The following FHAD1 variants were observed in gnomAD, a reference collection of about 807,000 sequenced individuals.
The protein encoded by FHAD1 is forkhead associated phosphopeptide binding domain 1, also known as forkhead-associated domain-containing protein 1.
Under a neutral mutation model 191.3 loss-of-function variants are expected in FHAD1, and 146 were observed. That is an observed-to-expected ratio of 0.76 (90% CI 0.67 to 0.88). The LOEUF is 0.88. Among genes scored for constraint, FHAD1 ranks in the 40% least tolerant of loss-of-function variants. FHAD1 has a pLI of 0.00. For synonymous variants in FHAD1, 616 were observed against 672.3 expected (o/e 0.92, Z 1.29); for missense variants, 1,635 against 1,785.8 (o/e 0.92, Z 1.52).
chr1:15,256,451 G>A (rs1322030388), intron 2 of FHAD1, among the ~76,000 whole-genome samples: 1 of 151,834 alleles, frequency 6.6e-6, no homozygotes, highest in Non-Finnish European at 1.5e-5. Context: ...TCAGGAGTTC[G>A]AGACCAGCCT....
intron 8 of FHAD1, chr1:15,314,702 A>T (rs1194123528): frequency 9.3e-6 from 1 of 108,002 alleles, no homozygotes; most frequent in African/African-American, 3.6e-5. Context: ...GGATGTGTGT[A>T]AGTGTGTATG....
At chr1:15,237,879 G>C (rs1443144189) in intron 1 of FHAD1, among the ~76,000 whole-genome samples, 1 of 152,166 alleles carries the variant, frequency 6.6e-6, no homozygotes, top group African/African-American at 2.4e-5. Context: ...TCCAGCGTGA[G>C]GGGATTGATC....
chr1:15,368,052 A>C (rs548513351), intron 25 of FHAD1, among the ~76,000 whole-genome samples: 1 of 151,470 alleles, frequency 6.6e-6, no homozygotes, highest in African/African-American at 2.4e-5. Context: ...GCTCACTGCA[A>C]CCTCTGCCTC....
chr1:15,352,690 C>T (rs1400803665), intron 19 of FHAD1, among the ~76,000 whole-genome samples, 187 bp from the exon 20 acceptor site: 5 of 152,110 alleles, frequency 3.3e-5, no homozygotes, highest in African/African-American at 1.2e-4. Flanking sequence ...AGATATGGCT[C>T]CCGGGTTCTC....
At chr1:15,307,212 T>G (rs11584805) in intron 6 of FHAD1, among the ~76,000 whole-genome samples, 8,833 of 152,250 alleles carry the variant, frequency 0.058, 266 homozygotes, top group African/African-American at 0.081. Flanking sequence ...GTAACCCCTT[T>G]GTTTTGGCCA....
rs1458622936 is a variant in FHAD1, at chr1:15,382,239, G to C, written c.4188+46G>C. On this transcript the variant is annotated intron_variant, in intron 31 of 33. Transcript: ENST00000688493. ...GCAGAACCTCCCAGGCTGCCCTGCA[G>C]CTCCCATTAGCAATGGCCGAGGGTG... The C allele has an allele frequency of 3.3e-6, 5 of 1,535,042 alleles. No individual in the cohort carries two copies. In the East Asian group the frequency reaches 1.2e-4, roughly 38 times the overall value.
intron 31 of FHAD1, among the ~76,000 whole-genome samples, chr1:15,387,475 G>A (rs1317199891): frequency 1.3e-5 from 2 of 152,176 alleles, no homozygotes; most frequent in Non-Finnish European, 2.9e-5. Context: ...CAGGCTGGGT[G>A]CGGTGGCTCA....
At position 15,324,503 on chromosome 1, in the gene FHAD1, G is replaced by C; in HGVS notation, c.1417G>C (p.Glu473Gln). 1 of 1,552,292 alleles carries C rather than the reference G, an allele frequency of 6.4e-7. No homozygotes were observed. The highest frequency in any genetic ancestry group is 8.7e-7 in the Non-Finnish European group (1 of 1,147,114). Residue 473 changes from glutamate to glutamine, a missense_variant, in exon 11 of 34, where the codon GAA (glutamate) becomes CAA (glutamine). By Grantham distance (29) the Glu-to-Gln change is conservative. Transcript: ENST00000688493. ...DSRRKLLQLQ[E>Q]MGNRESVIKI... ...CAGAAGGAAATTGCTTCAGCTGCAA[G>C]AAATGGGGAACAGAGAGAGCGTCAT... is the stretch of plus-strand genomic sequence containing the variant.
intron 19 of FHAD1, among the ~76,000 whole-genome samples, chr1:15,350,458 G>T (rs949639170): frequency 6.6e-6 from 1 of 152,368 alleles, no homozygotes; most frequent in African/African-American, 2.4e-5. Context: ...ACCTGAGCTT[G>T]CCAGGAGGTA....
chr1:15,285,585 G>A (rs1049821310), intron 3 of FHAD1, among the ~76,000 whole-genome samples: 1 of 151,750 alleles, frequency 6.6e-6, no homozygotes, highest in Non-Finnish European at 1.5e-5. Context: ...TTAACTGAAA[G>A]AGCTGATTGC....
chr1:15,304,198 C>T (rs1419113351), intron 6 of FHAD1, among the ~76,000 whole-genome samples: 2 of 152,254 alleles, frequency 1.3e-5, no homozygotes, highest in Non-Finnish European at 2.9e-5. Context: ...TACCGCCATG[C>T]GGCCTGCACT....
chr1:15,375,692 C>T lies in FHAD1; in HGVS notation c.3667C>T (p.Pro1223Ser). Residue 1223 changes from proline (P) to serine (S), a missense_variant, in exon 28 of 34, where the codon CCG (proline) becomes TCG (serine). Transcript: ENST00000688493. The part of the protein sequence containing the change: ...NVQKILLDAK[P>S]DLPTLSRIEI... ...CCAGAAAATACTACTGGATGCAAAA[C>T]CGGATTTGCCAACTCTCTCAAGAAT... 1 of 1,546,770 alleles carries T rather than the reference C, an allele frequency of 6.5e-7. No homozygotes were observed. The highest frequency in any genetic ancestry group is 8.7e-7 in the Non-Finnish European group (1 of 1,145,672).
intron 6 of FHAD1, chr1:15,305,918 G>A: frequency 4.4e-6 from 1 of 227,304 alleles, no homozygotes; most frequent in South Asian, 5.0e-5. Context: ...CAATAGAGTG[G>A]GGCATTGCTG....
At chr1:15,309,674 G>A (rs35433917) in intron 7 of FHAD1, among the ~76,000 whole-genome samples, 3,882 of 148,654 alleles carry the variant, frequency 0.026, 117 homozygotes, top group African/African-American at 0.073. Context: ...TTTTTTTTTA[G>A]CGATTTTTTT....
In FHAD1 at chr1:15,381,157, A is replaced by T; in HGVS notation, c.3802-74A>T. ...TGCAGAAAGTGAATGAAACAGAATT[A>T]GACATTGGCCTCCTTAAAGCGGCCA... On this transcript the variant is annotated intron_variant, in intron 29 of 33. Transcript: ENST00000688493. The surrounding 1 kb of genome is among the most constrained non-coding windows in gnomAD (Gnocchi z 4.6). The T allele has an allele frequency of 1.1e-6, 1 of 950,536 alleles. No individual in the cohort carries two copies. 58.9% of individuals were successfully genotyped at this position (950,536 alleles called of 1,614,324 possible).
intron 1 of FHAD1, among the ~76,000 whole-genome samples, chr1:15,241,524 C>T (rs1303669759): frequency 6.6e-6 from 1 of 152,062 alleles, no homozygotes; most frequent in Admixed American, 6.5e-5. Flanking sequence ...GTAGCAGGTG[C>T]CTGTAATCCC....
intron 8 of FHAD1, chr1:15,315,224 G>A (rs1402655753): frequency 2.0e-5 from 3 of 152,078 alleles, no homozygotes; most frequent in Non-Finnish European, 2.9e-5. Context: ...AGAGAGAAGA[G>A]AAATGCCACC....
At position 15,341,892 on chromosome 1, in the gene FHAD1, AGGT is replaced by A. The variant is rs1558165518; in HGVS notation, c.2130+8_2130+10del. On this transcript the variant is annotated splice_donor_5th_base_variant and intron_variant, in intron 16 of 33. Transcript: ENST00000688493. Reference sequence around the variant, plus strand: ...GCAACTGACGGAAGAGAAGGCGGTAAGGTGGTCCCTGCCATTTGCTTTACTACT... The same window carrying A: ...GCAACTGACGGAAGAGAAGGCGGTAAGGTCCCTGCCATTTGCTTTACTACT... The A allele has an allele frequency of 1.3e-6, 2 of 1,550,620 alleles. No individual in the cohort carries two copies. Among genetic ancestry groups the A allele is most frequent in the Admixed American group, 3.9e-5 (2 of 50,802 alleles).
In FHAD1 at chr1:15,370,597, C is replaced by T. The variant is rs1485715982; in HGVS notation, c.3447+1095C>T. ...CGTAGTGAGTGCCCCATGGCTGTGT[C>T]TTGGTAGCTGTTCCATGCACCTGCC... is the stretch of plus-strand genomic sequence containing the variant. On this transcript the variant is annotated intron_variant, in intron 26 of 33. Coordinates refer to ENST00000688493, the MANE Select transcript of FHAD1 (RefSeq NM_001391957.1). Among the ~76,000 whole-genome samples, 3 of 152,202 alleles carry T rather than the reference C, an allele frequency of 2.0e-5. No individual in the cohort carries two copies. The East Asian group carries it at 5.8e-4, about 29-fold the overall frequency.
Sources: allele counts gnomAD v4.1 joint callset (sites outside exome capture counted in the v4.1 genomes callset), GRCh38; gene constraint gnomAD v4.1.1; non-coding constraint Gnocchi (gnomAD v3.1); transcripts MANE v1.5; gene names NCBI Gene and HGNC (gene_info 2026-07-23, HGNC 2026-07-21).